PIK3R3: variants seen among roughly 807,000 people sequenced by gnomAD.
The protein encoded by PIK3R3 is phosphoinositide-3-kinase regulatory subunit 3, also known as phosphatidylinositol 3-kinase regulatory subunit gamma.
In PIK3R3, 64 loss-of-function variants were observed where a neutral mutation model predicts 62.9. The observed-to-expected ratio is 1.02, with a 90% CI of 0.83 to 1.25. The LOEUF is 1.25. PIK3R3 is among the 50% of genes most tolerant of loss of function. The pLI, the probability that PIK3R3 is intolerant of heterozygous loss-of-function variation, is 0.00. For missense variants in PIK3R3, 614 were observed against 561.6 expected (o/e 1.09, Z -0.94); for synonymous variants, 165 against 189.0 (o/e 0.87, Z 1.04).
At chr1:46,066,020 C>A (rs201413628) in intron 5 of PIK3R3, 34 bp downstream of exon 5, 1 of 1,585,830 alleles carries the variant, frequency 6.3e-7, no homozygotes, top group African/African-American at 1.3e-5. Context: ...AAACATTGCA[C>A]ACATATTAGT....
rs568457086 is a variant in PIK3R3 at position 46,126,044 on chromosome 1, G to A, written c.106+5803C>T. Among the ~76,000 whole-genome samples, 11 of 152,252 alleles carry A rather than the reference G, an allele frequency of 7.2e-5. No homozygotes were observed. In the South Asian group the frequency reaches 2.1e-3, roughly 29 times the overall value. ...CAAAGTGCTGGGATTACAGGCATGA[G>A]CCACCGCGCTTTGCCGCAATCTAGA... On this transcript the variant is annotated intron_variant, in intron 1 of 9. Transcript: ENST00000262741.
intron 3 of PIK3R3, among the ~76,000 whole-genome samples, chr1:46,072,926 G>C (rs1649677462): frequency 6.7e-6 from 1 of 150,286 alleles, no homozygotes; most frequent in South Asian, 2.1e-4. Context: ...GTGACAGAGA[G>C]AGACCCTGTC....
At chr1:46,138,923 G>A in the PIK3R3 span, 1 of 152,196 alleles carries the variant, frequency 6.6e-6, no homozygotes, top group Non-Finnish European at 1.5e-5. Flanking sequence ...GAGACATTCG[G>A]TGAAGATCAC....
At position 46,130,346 on chromosome 1, in the gene PIK3R3, TA is replaced by T. The variant is rs374279533; in HGVS notation, c.106+1500del. Among the ~76,000 whole-genome samples, 84 of 152,260 alleles carry T rather than the reference TA, an allele frequency of 5.5e-4. 2 individuals are homozygous for T. Among genetic ancestry groups the T allele is most frequent in the African/African-American group, 1.9e-3 (81 of 41,558 alleles). ...AAATGTATCTAACATGCTTTACCGT[TA>T]GGGGGAAACAAAGGGGGAAAGACAC... On this transcript the variant is annotated intron_variant, in intron 1 of 9. Transcript: ENST00000262741.
the PIK3R3 span, among the ~76,000 whole-genome samples, chr1:46,145,529 G>A: frequency 6.6e-6 from 1 of 152,134 alleles, no homozygotes; most frequent in Admixed American, 6.6e-5. Flanking sequence ...GGTGAGAGAG[G>A]ACACAAGAGA....
chr1:46,099,790 T>A (rs983314003), intron 1 of PIK3R3, among the ~76,000 whole-genome samples: 1 of 152,182 alleles, frequency 6.6e-6, no homozygotes, highest in Non-Finnish European at 1.5e-5. Flanking sequence ...TATTGCTAAG[T>A]TGCTCTCTAC....
chr1:46,171,742 T>TA, the PIK3R3 span, among the ~76,000 whole-genome samples: 1 of 151,982 alleles, frequency 6.6e-6, no homozygotes, highest in Non-Finnish European at 1.5e-5. Context: ...CCTATTTCTC[T>TA]AGAGCGGAGC....
intron 1 of PIK3R3, among the ~76,000 whole-genome samples, chr1:46,096,260 T>C (rs775048612): frequency 1.3e-5 from 2 of 152,234 alleles, no homozygotes; most frequent in African/African-American, 4.8e-5. Flanking sequence ...ACACTACTAA[T>C]CATTGGTGAG....
upstream of PIK3R3, chr1:46,133,043 G>T (rs1655766222): frequency 9.8e-7 from 1 of 1,021,774 alleles, no homozygotes; most frequent in Non-Finnish European, 1.2e-6. Flanking sequence ...GGTTGCCGGA[G>T]CCTGGAGCCT....
intron 1 of PIK3R3, among the ~76,000 whole-genome samples, chr1:46,131,476 A>G (rs1310680247): frequency 6.6e-6 from 1 of 152,258 alleles, no homozygotes; most frequent in Non-Finnish European, 1.5e-5. Context: ...CCCGGGATAT[A>G]AAACATCCTT....
chr1:46,050,864 T>C (rs1396960303), intron 7 of PIK3R3, among the ~76,000 whole-genome samples: 2 of 152,204 alleles, frequency 1.3e-5, no homozygotes, highest in African/African-American at 4.8e-5. Context: ...CAGACTATTA[T>C]TTGGCCATAA....
intron 1 of PIK3R3, among the ~76,000 whole-genome samples, chr1:46,109,851 C>T (rs900788425): frequency 2.0e-5 from 3 of 152,158 alleles, no homozygotes; most frequent in Non-Finnish European, 2.9e-5. Flanking sequence ...TGGTTTAGCA[C>T]ACTATGTTTC....
rs530652640 is a variant in PIK3R3, at chr1:46,115,218, T to TACCCTTCATCAAACCATGC, written c.106+16610_106+16628dup. Among the ~76,000 whole-genome samples the TACCCTTCATCAAACCATGC allele has an allele frequency of 5.6e-4, 86 of 152,336 alleles. No homozygotes were observed. The East Asian group carries it at 0.013, about 23-fold the overall frequency. ...TATAGAAAAACAGGGCCAAAGCCTGTACCCTTCATCAAACCATGCCAGGGG... is the reference window on the plus strand; with the variant it reads ...TATAGAAAAACAGGGCCAAAGCCTGTACCCTTCATCAAACCATGCACCCTTCATCAAACCATGCCAGGGG... On this transcript the variant is annotated intron_variant, in intron 1 of 9. Coordinates refer to ENST00000262741, the MANE Select transcript of PIK3R3 (RefSeq NM_003629.4).
chr1:46,104,913 G>A, intron 1 of PIK3R3: 1 of 500,182 alleles, frequency 2.0e-6, no homozygotes, highest in South Asian at 2.2e-5. Flanking sequence ...GGGTGACAGA[G>A]TAAGACTCCA....
chr1:46,123,250 GAGA>G (rs1304652467), intron 1 of PIK3R3, among the ~76,000 whole-genome samples: 1 of 152,096 alleles, frequency 6.6e-6, no homozygotes, highest in African/African-American at 2.4e-5. Flanking sequence ...AGAATTTTTG[GAGA>G]AAGTTTTAAG....
rs755706792 is a variant in PIK3R3, at chr1:46,089,971, G to A, written c.107-9221C>T. The stretch of plus-strand genomic sequence containing the variant: ...CAGTATTACCGTATTACAAAAAATA[G>A]GGAGGTAAAACACCAGAAGAAAAGG... On this transcript the variant is annotated intron_variant, in intron 1 of 9. Coordinates refer to ENST00000262741, the MANE Select transcript of PIK3R3 (RefSeq NM_003629.4). 2.8e-4 allele frequency among the ~76,000 whole-genome samples: 42 copies of A among 152,218 alleles called. 1 individual carries two copies. The Middle Eastern group carries it at 0.034, about 123-fold the overall frequency.
At chr1:46,057,783 T>C (rs1438076809) in intron 6 of PIK3R3, among the ~76,000 whole-genome samples, 1 of 152,160 alleles carries the variant, frequency 6.6e-6, no homozygotes, top group East Asian at 1.9e-4. Flanking sequence ...CTTAAAAGCA[T>C]TCAGTTTTAA....
chr1:46,131,689 T>A (rs1045615346), intron 1 of PIK3R3, 158 bp downstream of exon 1: 1 of 526,992 alleles, frequency 1.9e-6, no homozygotes, highest in Non-Finnish European at 3.5e-6. Flanking sequence ...ACTTTAAACG[T>A]GTAAACCAGA....
chr1:46,096,864 A>G (rs1305310948), intron 1 of PIK3R3, among the ~76,000 whole-genome samples: 5 of 151,830 alleles, frequency 3.3e-5, no homozygotes, highest in Admixed American at 6.6e-5. Context: ...AAGAAAGAAA[A>G]AAGAAGAGGA....
Sources: gnomAD v4.1 joint callset for allele counts (sites outside exome capture counted in the v4.1 genomes callset) on GRCh38, gnomAD v4.1.1 for gene constraint, MANE v1.5 for transcripts, NCBI Gene and HGNC (gene_info 2026-07-23, HGNC 2026-07-21) for gene names.